The following PRUNE2 variants were observed in gnomAD, a reference collection of about 807,000 sequenced individuals.
PRUNE2 encodes prune homolog 2 with BCH domain, also known as protein prune homolog 2.
PRUNE2 carries 164 observed loss-of-function variants against 252.0 expected under a neutral mutation model. The observed-to-expected ratio is 0.65, with a 90% CI of 0.57 to 0.74. PRUNE2 has a LOEUF of 0.74. Ranked by LOEUF, PRUNE2 falls within the 30% of genes least tolerant of loss-of-function variation. PRUNE2 has a pLI of 0.00. For missense variants in PRUNE2, 3,495 were observed against 3,711.0 expected, an observed-to-expected ratio of 0.94 and a Z score of 1.51; for synonymous variants, 1,292 against 1,350.2, an observed-to-expected ratio of 0.96 and a Z score of 0.94.
At position 76,798,738 on chromosome 9, in the gene PRUNE2, C is replaced by T. The variant is rs145788779; in HGVS notation, c.756+24894G>A. Among the ~76,000 whole-genome samples the T allele has an allele frequency of 4.4e-3, 675 of 152,284 alleles. 7 individuals are homozygous for T. The highest frequency in any genetic ancestry group is 0.016 in the African/African-American group (657 of 41,568). On this transcript the variant is annotated intron_variant, in intron 6 of 18. Coordinates refer to ENST00000376718, the MANE Select transcript of PRUNE2 (RefSeq NM_015225.3). ...AAACCACAAGCCTCCCCCATCTTCT[C>T]TATTATTAGAGCGTCCTTAAGCACA...
At chr9:76,852,888 T>C (rs1252854283) in intron 2 of PRUNE2, among the ~76,000 whole-genome samples, 3 of 152,184 alleles carry the variant, frequency 2.0e-5, no homozygotes, top group East Asian at 1.9e-4. Flanking sequence ...TCTACCCCTT[T>C]TATTGGATGT....
At chr9:76,794,591 G>T (rs1311230929) in intron 6 of PRUNE2, among the ~76,000 whole-genome samples, 2 of 146,850 alleles carry the variant, frequency 1.4e-5, no homozygotes, top group Non-Finnish European at 3.0e-5. Context: ...CTCCAGCCTG[G>T]CGACAAAGAG....
intron 9 of PRUNE2, among the ~76,000 whole-genome samples, chr9:76,678,349 CAAAAAAAAAAA>C (rs58096428): frequency 2.4e-5 from 2 of 83,116 alleles, no homozygotes; most frequent in Non-Finnish European, 4.2e-5. Flanking sequence ...GAGACTCCAT[CAAAAAAAAAAA>C]AAAAAAAAAA....
chr9:76,807,124 T>G (rs1314621212), intron 6 of PRUNE2, among the ~76,000 whole-genome samples: 1 of 151,106 alleles, frequency 6.6e-6, no homozygotes, highest in African/African-American at 2.4e-5. Flanking sequence ...AGTGCTGGAG[T>G]GCAATGGCAT....
At chr9:76,905,887 ACG>A (rs765279132) in intron 1 of PRUNE2, 39 bp downstream of exon 1, 12 of 1,611,602 alleles carry the variant, frequency 7.4e-6, no homozygotes, top group South Asian at 2.2e-5. Flanking sequence ...CCATTAGCAT[ACG>A]CGCGCGCGCA....
intron 5 of PRUNE2, among the ~76,000 whole-genome samples, chr9:76,824,195 CA>C (rs1265990660): frequency 6.6e-6 from 1 of 152,124 alleles, no homozygotes. Flanking sequence ...TGGTCAAACC[CA>C]ACCAGAAGCC....
At chr9:76,666,876 G>A (rs927219992) in intron 9 of PRUNE2, among the ~76,000 whole-genome samples, 2 of 152,068 alleles carry the variant, frequency 1.3e-5, no homozygotes. Flanking sequence ...GAGAAACCCT[G>A]TCTCTATTAA....
At chr9:76,712,455 A>T (rs959742592) in intron 7 of PRUNE2, among the ~76,000 whole-genome samples, 1 of 118,066 alleles carries the variant, frequency 8.5e-6, no homozygotes, top group Non-Finnish European at 1.6e-5. Flanking sequence ...TTAAGATTCC[A>T]GCGATCCACC....
At chr9:76,858,055 T>A (rs747622854) in intron 1 of PRUNE2, among the ~76,000 whole-genome samples, 1 of 152,220 alleles carries the variant, frequency 6.6e-6, no homozygotes, top group Non-Finnish European at 1.5e-5. Flanking sequence ...GTGCTATGGA[T>A]GATTCACAAA....
At chr9:76,736,320 T>C (rs1328894379) in intron 6 of PRUNE2, among the ~76,000 whole-genome samples, 6 of 152,198 alleles carry the variant, frequency 3.9e-5, no homozygotes, top group Non-Finnish European at 8.8e-5. Context: ...CTTTATGCTA[T>C]GGATAATTTC....
chr9:76,691,658 C>T (rs10512060), intron 9 of PRUNE2, among the ~76,000 whole-genome samples: 1,733 of 152,252 alleles, frequency 0.011, 30 homozygotes, highest in East Asian at 0.08. Flanking sequence ...CCAGAGCTGT[C>T]CTGCTTGTCA....
chr9:76,718,291 C>T (rs1276048199), intron 6 of PRUNE2, among the ~76,000 whole-genome samples: 1 of 152,204 alleles, frequency 6.6e-6, no homozygotes, highest in Non-Finnish European at 1.5e-5. Context: ...GTCTTGTAAA[C>T]ATTTCAGTAG....
chr9:76,741,987 A>G (rs962416615), intron 6 of PRUNE2, among the ~76,000 whole-genome samples: 1 of 152,244 alleles, frequency 6.6e-6, no homozygotes, highest in South Asian at 2.1e-4. Flanking sequence ...TGTTAACAAC[A>G]TAATTGGTAT....
intron 9 of PRUNE2, among the ~76,000 whole-genome samples, chr9:76,694,179 C>T (rs566145635): frequency 3.3e-5 from 5 of 151,438 alleles, no homozygotes; most frequent in South Asian, 2.1e-4. Context: ...TGTTTTGTTT[C>T]GTTTTTTTTT....
chr9:76,724,983 C>T (rs534001300), intron 6 of PRUNE2, among the ~76,000 whole-genome samples: 3 of 152,220 alleles, frequency 2.0e-5, no homozygotes, highest in African/African-American at 7.2e-5. Flanking sequence ...GGGCTACACT[C>T]TAGCTCCCAG....
intron 15 of PRUNE2, among the ~76,000 whole-genome samples, chr9:76,636,180 T>A (rs548493015): frequency 6.6e-6 from 1 of 152,316 alleles, no homozygotes; most frequent in East Asian, 1.9e-4. Flanking sequence ...TATTATCTAT[T>A]CTCCTTTCTA....
intron 6 of PRUNE2, 72 bp from the exon 7 acceptor site, chr9:76,713,793 TC>T: frequency 9.1e-7 from 1 of 1,092,996 alleles, no homozygotes; most frequent in Non-Finnish European, 1.3e-6. Flanking sequence ...CACAAATTTG[TC>T]CAGTCTTATG....
intron 6 of PRUNE2, chr9:76,784,462 C>G (rs536561378): frequency 6.6e-6 from 1 of 152,322 alleles, no homozygotes; most frequent in South Asian, 2.1e-4. Flanking sequence ...GCTGCCTAAA[C>G]TGTGCGTTCA....
intron 6 of PRUNE2, among the ~76,000 whole-genome samples, chr9:76,801,923 T>A (rs1394728739): frequency 6.6e-6 from 1 of 152,134 alleles, no homozygotes; most frequent in East Asian, 1.9e-4. Flanking sequence ...ATTGTAGCAA[T>A]GTATTCTTAT....
Sources: gnomAD v4.1 joint callset for allele counts (sites outside exome capture counted in the v4.1 genomes callset) on GRCh38, gnomAD v4.1.1 for gene constraint, MANE v1.5 for transcripts, NCBI Gene and HGNC (gene_info 2026-07-23, HGNC 2026-07-21) for gene names.